The following REL variants were observed in gnomAD, a reference collection of about 807,000 sequenced individuals.
REL encodes REL proto-oncogene, NF-kB subunit, also known as proto-oncogene c-Rel.
REL carries 15 observed loss-of-function variants against 45.9 expected under a neutral mutation model. The observed-to-expected ratio is 0.33, with a 90% CI of 0.22 to 0.50. The LOEUF (loss-of-function observed/expected upper bound fraction) is 0.50, where lower values mean the gene tolerates loss of function less well. Among genes scored for constraint, REL ranks in the 20% least tolerant of loss-of-function variants. REL has a pLI of 0.98. For missense variants in REL, 601 were observed against 715.2 expected (o/e 0.84, Z 1.82); for synonymous variants, 239 against 242.1 (o/e 0.99, Z 0.12).
chr2:60,928,404 C>G lies in REL; in HGVS notation c.*5869C>G, dbSNP rs2104001080. On this transcript the variant is annotated 3_prime_UTR_variant, in exon 10 of 10. Coordinates refer to ENST00000394479, the MANE Select transcript of REL (RefSeq NM_001291746.2). The stretch of plus-strand genomic sequence containing the variant: ...CAAAAGAACAAAGCTGGAGGCATCA[C>G]ACTACCTGACTTCAAACTATACTAC... 1 of 151,720 alleles carries G rather than the reference C, an allele frequency of 6.6e-6. No individual in the cohort carries two copies. Among genetic ancestry groups the G allele is most frequent in the African/African-American group, 2.4e-5 (1 of 41,424 alleles). The allele number at this position is 151,720 out of a possible 1,614,324, so 9.4% of individuals were successfully genotyped here.
Position 60,894,496 on chromosome 2 carries a change from A to G in REL, c.253A>G (p.Arg85Gly). 1 of 1,608,136 alleles carries G rather than the reference A, an allele frequency of 6.2e-7. No individual in the cohort carries two copies. Among genetic ancestry groups the G allele is most frequent in the Non-Finnish European group, 8.5e-7 (1 of 1,177,096 alleles). Residue 85 changes from arginine to glycine, a missense_variant, in exon 3 of 10, where the codon AGA (arginine) becomes GGA (glycine). This residue lies in a region of REL where 241 missense variants were observed against 347.0 expected (regional missense o/e 0.69). Transcript: ENST00000394479. ...HPHDLVGKDCRDGYYEAEFGQ... is the reference protein window; with the variant it reads ...HPHDLVGKDCGDGYYEAEFGQ... ...TCATGATTTAGTTGGAAAAGACTGCAGAGACGGCTACTATGAAGCAGAATT... is the reference window on the plus strand; with the variant it reads ...TCATGATTTAGTTGGAAAAGACTGCGGAGACGGCTACTATGAAGCAGAATT...
chr2:60,903,448 A>C (rs1439660914), intron 4 of REL, among the ~76,000 whole-genome samples: 4 of 152,022 alleles, frequency 2.6e-5, no homozygotes, highest in Non-Finnish European at 5.9e-5. Flanking sequence ...ATCACAGCTC[A>C]CTGCAGCCTT....
At chr2:60,904,964 G>C (rs2103954759) in intron 4 of REL, among the ~76,000 whole-genome samples, 1 of 152,268 alleles carries the variant, frequency 6.6e-6, no homozygotes, top group East Asian at 1.9e-4. Flanking sequence ...TTGAACATAG[G>C]GAGCCCCTGA....
In REL at chr2:60,921,379, A is replaced by C. The variant is rs115190235; in HGVS notation, c.992-384A>C. On this transcript the variant is annotated intron_variant, in intron 9 of 9. Coordinates refer to ENST00000394479, the MANE Select transcript of REL (RefSeq NM_001291746.2). ...GTCTCCATCCTTCCATTTTCTCCTA[A>C]AAGTGAAGAGTAAGAGATGATTTTG... Among the ~76,000 whole-genome samples, 499 of 152,174 alleles carry C rather than the reference A, an allele frequency of 3.3e-3. 6 individuals are homozygous for C. Among genetic ancestry groups the C allele is most frequent in the African/African-American group, 0.012 (478 of 41,516 alleles).
chr2:60,895,251 T>G (rs979972896), intron 3 of REL, among the ~76,000 whole-genome samples: 5 of 151,860 alleles, frequency 3.3e-5, no homozygotes, highest in Admixed American at 1.3e-4. Context: ...TGGCATGATC[T>G]CGGCCCATTG....
intron 4 of REL, among the ~76,000 whole-genome samples, chr2:60,905,500 C>G (rs1461702667): frequency 1.3e-5 from 2 of 152,108 alleles, no homozygotes; most frequent in African/African-American, 4.8e-5. Context: ...GGCCACACTT[C>G]CACTAATTTG....
chr2:60,893,252 A>C (rs1673264939), intron 2 of REL, among the ~76,000 whole-genome samples: 2 of 152,206 alleles, frequency 1.3e-5, no homozygotes, highest in Non-Finnish European at 2.9e-5. Flanking sequence ...TTATTTACAA[A>C]ATCTATTCTG....
intron 4 of REL, among the ~76,000 whole-genome samples, chr2:60,912,859 G>A (rs1558811974): frequency 6.6e-6 from 1 of 151,924 alleles, no homozygotes; most frequent in Non-Finnish European, 1.5e-5. Context: ...AGGAGGAAAT[G>A]TTTGAGAAAT....
rs1674155856 is a variant in REL, at chr2:60,922,024, C to G, written c.1253C>G (p.Pro418Arg). ...SQGIPPFLRI[P>R]VGNDLNASNA... ...GGTATCCCACCATTCCTGAGAATAC[C>G]TGTTGGGAATGATTTAAATGCTTCT... The change falls in exon 10 of 10, where the codon CCT (proline) becomes CGT (arginine). Residue 418 changes from proline to arginine, a missense_variant. Pro to Arg is a moderately radical substitution (Grantham distance 103). Around this residue, in one of 4 missense-constraint regions of REL, gnomAD observed 334 missense variants for 333.1 expected, o/e 1.00. Coordinates refer to ENST00000394479, the MANE Select transcript of REL (RefSeq NM_001291746.2). 7 of 1,614,082 alleles carry G rather than the reference C, an allele frequency of 4.3e-6. 1 individual carries two copies. In the South Asian group the frequency reaches 7.7e-5, roughly 18 times the overall value.
rs1199625043 is a variant in REL, at chr2:60,929,361, C to G, written c.*6826C>G. 1.5e-5 allele frequency: 2 copies of G among 137,570 alleles called. No individual in the cohort carries two copies. Among genetic ancestry groups the G allele is most frequent in the Non-Finnish European group, 3.2e-5 (2 of 63,232 alleles). The allele number at this position is 137,570 out of a possible 1,614,324, so 8.5% of individuals were successfully genotyped here. ...ACTATAAATCATGCTGCTATAAAGA[C>G]ACATGCACACGTATGTTTATTGCGG... On this transcript the variant is annotated 3_prime_UTR_variant, in exon 10 of 10. Coordinates refer to ENST00000394479, the MANE Select transcript of REL (RefSeq NM_001291746.2).
At chr2:60,907,857 A>T (rs1009576552) in intron 4 of REL, among the ~76,000 whole-genome samples, 3 of 150,748 alleles carry the variant, frequency 2.0e-5, no homozygotes, top group Non-Finnish European at 4.4e-5. Flanking sequence ...TGCCCAGCTA[A>T]TTTTTTTGTA....
chr2:60,920,635 C>CA lies in REL; in HGVS notation c.990dup (p.Glu331ArgfsTer8). 6.3e-7 allele frequency: 1 copy of CA among 1,585,892 alleles called. No individual in the cohort carries two copies. The highest frequency in any genetic ancestry group is 8.6e-7 in the Non-Finnish European group (1 of 1,157,810). ...GTTCAATTGGAGAAGGAAGATACTT[C>CA]AAAAAAGGTATTTTATTTCCTATAG... is the stretch of plus-strand genomic sequence containing the variant. On this transcript the variant is annotated frameshift_variant, in exon 9 of 10. Coordinates refer to ENST00000394479, the MANE Select transcript of REL (RefSeq NM_001291746.2). LOFTEE classifies it low-confidence loss of function (END_TRUNC).
Position 60,881,784 on chromosome 2 carries a change from GC to G in REL, c.-55del. On this transcript the variant is annotated 5_prime_UTR_variant, in exon 1 of 10. Transcript: ENST00000394479. Reference sequence around the variant, plus strand: ...TCGGCCTCCTGACTGACTGACTGCGGCCGCCTCCGGCCAGGACGCTGGGAGC... The same window carrying G: ...TCGGCCTCCTGACTGACTGACTGCGGCGCCTCCGGCCAGGACGCTGGGAGC... 6.6e-7 allele frequency: 1 copy of G among 1,517,778 alleles called. No individual in the cohort carries two copies. Among genetic ancestry groups the G allele is most frequent in the Non-Finnish European group, 8.8e-7 (1 of 1,130,150 alleles). 94.0% of individuals were successfully genotyped at this position (1,517,778 alleles called of 1,614,324 possible). A position where few individuals can be genotyped will look rare whatever the true frequency, so the allele number is the denominator to read the frequency against.
chr2:60,907,914 G>A (rs1220948098), intron 4 of REL, among the ~76,000 whole-genome samples: 2 of 151,536 alleles, frequency 1.3e-5, no homozygotes, highest in African/African-American at 4.9e-5. Flanking sequence ...GGATGGCCTC[G>A]GTCTCCTGAT....
chr2:60,913,698 C>T (rs933663578), intron 4 of REL, among the ~76,000 whole-genome samples: 1 of 152,192 alleles, frequency 6.6e-6, no homozygotes, highest in African/African-American at 2.4e-5. Flanking sequence ...AAAGTGGCCT[C>T]TCATTCTGAA....
Position 60,905,432 on chromosome 2 carries a change from G to C in REL, c.394+4349G>C, listed in dbSNP as rs1673618249. On this transcript the variant is annotated intron_variant, in intron 4 of 9. Transcript: ENST00000394479. The stretch of plus-strand genomic sequence containing the variant: ...ATTCCTTCCCGAGCCTTTCAGCAGT[G>C]GTTCTCAATTTGAATGTGCATAGGA... 2.0e-5 allele frequency among the ~76,000 whole-genome samples: 3 copies of C among 152,196 alleles called. No homozygotes were observed. In the South Asian group the frequency reaches 6.2e-4, roughly 32 times the overall value.
Position 60,886,852 on chromosome 2 carries a change from A to G in REL, c.11-4831A>G, listed in dbSNP as rs139421490. Among the ~76,000 whole-genome samples the G allele has an allele frequency of 3.3e-3, 505 of 152,302 alleles. 6 individuals are homozygous for G. The highest frequency in any genetic ancestry group is 0.012 in the African/African-American group (484 of 41,574). ...AATAAAAACATAGATATATCTTACA[A>G]ACATTTTGGCTGTATTTTAGAAGTT... On this transcript the variant is annotated intron_variant, in intron 1 of 9. Coordinates refer to ENST00000394479, the MANE Select transcript of REL (RefSeq NM_001291746.2).
chr2:60,931,424 A>C lies in REL; in HGVS notation c.*8889A>C, dbSNP rs1163924641. Reference sequence around the variant, plus strand: ...TAATGACTGAAATGAATTTGGAGGCACTGATGAAAGTGATTTTTTTAAAGT... The same window carrying C: ...TAATGACTGAAATGAATTTGGAGGCCCTGATGAAAGTGATTTTTTTAAAGT... On this transcript the variant is annotated 3_prime_UTR_variant, in exon 10 of 10. Transcript: ENST00000394479. The C allele has an allele frequency of 6.6e-6, 1 of 152,332 alleles. No homozygotes were observed. The highest frequency in any genetic ancestry group is 1.5e-5 in the Non-Finnish European group (1 of 68,022). The allele number at this position is 152,332 out of a possible 1,614,324, so 9.4% of individuals were successfully genotyped here.
At chr2:60,903,020 C>G (rs911849633) in intron 4 of REL, among the ~76,000 whole-genome samples, 1 of 152,136 alleles carries the variant, frequency 6.6e-6, no homozygotes, top group Non-Finnish European at 1.5e-5. Context: ...ATTTCTGGGT[C>G]AAGAGTATGC....
Sources: gnomAD v4.1 joint callset for allele counts (sites outside exome capture counted in the v4.1 genomes callset) on GRCh38, gnomAD v4.1.1 for gene constraint, gnomAD v4.1.1 regional missense constraint, MANE v1.5 for transcripts, NCBI Gene and HGNC (gene_info 2026-07-23, HGNC 2026-07-21) for gene names.